The following SEC14L1 variants were observed in gnomAD, a reference collection of about 807,000 sequenced individuals.
The protein encoded by SEC14L1 is SEC14 like lipid binding 1, also known as SEC14-like protein 1.
A neutral mutation model predicts 85.3 loss-of-function variants in SEC14L1; 48 were observed. The observed-to-expected ratio is 0.56, with a 90% CI of 0.45 to 0.72. The LOEUF is 0.72. Ranked by LOEUF, SEC14L1 falls within the 30% of genes least tolerant of loss-of-function variation. The pLI is 0.00. For missense variants in SEC14L1, 682 were observed against 921.4 expected (o/e 0.74, Z 3.36); for synonymous variants, 391 against 355.5 (o/e 1.10, Z -1.12).
intron 3 of SEC14L1, among the ~76,000 whole-genome samples, chr17:77,135,050 C>G (rs1422693891): frequency 6.6e-6 from 1 of 152,190 alleles, no homozygotes; most frequent in Non-Finnish European, 1.5e-5. Context: ...TCATGTCTAG[C>G]AAGGACACCA....
chr17:77,093,412 T>G (rs570574750), intron 3 of SEC14L1: 1 of 152,318 alleles, frequency 6.6e-6, no homozygotes, highest in African/African-American at 2.4e-5. Flanking sequence ...CCCTGTTGTG[T>G]ATGGCTATAA....
intron 3 of SEC14L1, among the ~76,000 whole-genome samples, chr17:77,165,898 A>T (rs531251128): frequency 3.9e-4 from 59 of 152,256 alleles, no homozygotes; most frequent in Non-Finnish European, 8.2e-4. Context: ...TGCATTTCCA[A>T]AGTTTAGTAG....
chr17:77,133,474 T>A (rs890632490), intron 3 of SEC14L1, among the ~76,000 whole-genome samples: 11 of 152,180 alleles, frequency 7.2e-5, no homozygotes, highest in African/African-American at 2.4e-4. Flanking sequence ...AGACTCAGGC[T>A]CCTAATGGGG....
At chr17:77,102,565 G>A (rs773292844) in intron 3 of SEC14L1, among the ~76,000 whole-genome samples, 2 of 151,600 alleles carry the variant, frequency 1.3e-5, no homozygotes, top group Non-Finnish European at 2.9e-5. Flanking sequence ...GTGCAGTGGC[G>A]TGATCTCGGC....
At chr17:77,120,907 C>T (rs1567877267) in intron 3 of SEC14L1, among the ~76,000 whole-genome samples, 1 of 152,224 alleles carries the variant, frequency 6.6e-6, no homozygotes, top group Non-Finnish European at 1.5e-5. Flanking sequence ...TCGGAACTCA[C>T]TTAGGTGAGA....
rs1353291728 is a variant in SEC14L1, at chr17:77,190,780, T to G, written c.64-23T>G. The G allele has an allele frequency of 2.5e-6, 4 of 1,613,738 alleles. No homozygotes were observed. The South Asian group carries it at 4.4e-5, about 18-fold the overall frequency. On this transcript the variant is annotated intron_variant, in intron 3 of 16. Transcript: ENST00000436233. ...AGGTTGTGTCTTTGCTCACTTCTGCTTTCTTGGTTTTTAAATTTATAGGCC... is the reference window on the plus strand; with the variant it reads ...AGGTTGTGTCTTTGCTCACTTCTGCGTTCTTGGTTTTTAAATTTATAGGCC...
intron 3 of SEC14L1, chr17:77,145,142 T>C (rs1001836048): frequency 6.8e-6 from 1 of 147,270 alleles, no homozygotes; most frequent in Non-Finnish European, 1.5e-5. Flanking sequence ...TGTGTATATA[T>C]ACACATATAT....
At chr17:77,143,762 C>A in intron 3 of SEC14L1, 103 bp downstream of exon 3, 1 of 792,342 alleles carries the variant, frequency 1.3e-6, no homozygotes, top group Non-Finnish European at 2.1e-6. Context: ...CATGGCATCA[C>A]TTGAACTTAC....
upstream of SEC14L1, among the ~76,000 whole-genome samples, chr17:77,137,265 T>G (rs1387855241): frequency 4.6e-5 from 7 of 152,080 alleles, no homozygotes; most frequent in East Asian, 1.3e-3. Flanking sequence ...CTTAAGAGGT[T>G]CCACAGGCTG....
intron 13 of SEC14L1, among the ~76,000 whole-genome samples, chr17:77,208,386 A>G (rs1464511208): frequency 6.6e-6 from 1 of 152,202 alleles, no homozygotes; most frequent in African/African-American, 2.4e-5. Context: ...TGCTGCTTCC[A>G]ATTATGACAC....
At chr17:77,212,415 A>G (rs1447179485) in intron 15 of SEC14L1, among the ~76,000 whole-genome samples, 1 of 152,074 alleles carries the variant, frequency 6.6e-6, no homozygotes, top group Non-Finnish European at 1.5e-5. Context: ...AGAATCTGCG[A>G]CTTTTCCCAA....
In SEC14L1 at chr17:77,214,871, C is replaced by G; in HGVS notation, c.*848C>G. Reference sequence around the variant, plus strand: ...CCATCTCCTCTGTGCCCTCTGGTGGCTCATTGTCCTCAGAGCCCAGACAGT... The same window carrying G: ...CCATCTCCTCTGTGCCCTCTGGTGGGTCATTGTCCTCAGAGCCCAGACAGT... On this transcript the variant is annotated 3_prime_UTR_variant, in exon 17 of 17. Transcript: ENST00000436233. 1 of 985,436 alleles carries G rather than the reference C, an allele frequency of 1.0e-6. No individual in the cohort carries two copies. The highest frequency in any genetic ancestry group is 1.2e-6 in the Non-Finnish European group (1 of 829,958). 61.0% of individuals were successfully genotyped at this position (985,436 alleles called of 1,614,324 possible).
chr17:77,157,964 A>G (rs984098835), intron 3 of SEC14L1, among the ~76,000 whole-genome samples: 3 of 152,090 alleles, frequency 2.0e-5, no homozygotes, highest in Non-Finnish European at 2.9e-5. Context: ...TACTTCTCCA[A>G]ATTGCTGTTC....
At chr17:77,105,372 C>T (rs1377961454) in intron 3 of SEC14L1, among the ~76,000 whole-genome samples, 2 of 39,722 alleles carry the variant, frequency 5.0e-5, no homozygotes, top group Non-Finnish European at 1.2e-4. Context: ...CCTCGCTGAC[C>T]ACCCCCCCCC....
intron 3 of SEC14L1, among the ~76,000 whole-genome samples, chr17:77,190,550 A>G (rs1236923208): frequency 6.6e-6 from 1 of 152,164 alleles, no homozygotes; most frequent in South Asian, 2.1e-4. Flanking sequence ...AATTACCACA[A>G]AGTCTTGCTG....
Position 77,206,595 on chromosome 17 carries a change from G to A in SEC14L1, c.1342-133G>A. 8.0e-7 allele frequency: 1 copy of A among 1,242,402 alleles called. No individual in the cohort carries two copies. The highest frequency in any genetic ancestry group is 2.9e-4 in the Middle Eastern group (1 of 3,500). The allele number at this position is 1,242,402 out of a possible 1,614,324, so 77.0% of individuals were successfully genotyped here. On this transcript the variant is annotated intron_variant, in intron 12 of 16. Transcript: ENST00000436233. The surrounding 1 kb of genome is among the most constrained non-coding windows in gnomAD (Gnocchi z 4.3). ...TGAGTGTCCTAATGCCATGCAAATAGACTTTACAGAAGAAGTATATAAACT... is the reference window on the plus strand; with the variant it reads ...TGAGTGTCCTAATGCCATGCAAATAAACTTTACAGAAGAAGTATATAAACT...
chr17:77,127,057 GGTTT>G (rs1426992921), intron 3 of SEC14L1, among the ~76,000 whole-genome samples: 2 of 150,762 alleles, frequency 1.3e-5, no homozygotes, highest in African/African-American at 4.9e-5. Context: ...AGAATGTGCA[GGTTT>G]GTTATATAGG....
At chr17:77,104,821 TG>T (rs1204291209) in intron 3 of SEC14L1, among the ~76,000 whole-genome samples, 19 of 142,498 alleles carry the variant, frequency 1.3e-4, no homozygotes, top group African/African-American at 5.7e-4. Flanking sequence ...AGTTTTTTTT[TG>T]TGTGTGTGTG....
chr17:77,122,401 A>C (rs1342610658), intron 3 of SEC14L1, among the ~76,000 whole-genome samples: 2 of 151,778 alleles, frequency 1.3e-5, no homozygotes, highest in Admixed American at 6.6e-5. Context: ...TTCCGAGCTC[A>C]AGTGATCCTC....
Sources: allele counts gnomAD v4.1 joint callset (sites outside exome capture counted in the v4.1 genomes callset), GRCh38; gene constraint gnomAD v4.1.1; non-coding constraint Gnocchi (gnomAD v3.1); transcripts MANE v1.5; gene names NCBI Gene and HGNC (gene_info 2026-07-23, HGNC 2026-07-21).